Variants in TRMT10B observed in about 807,000 individuals in gnomAD.
TRMT10B encodes the protein tRNA methyltransferase 10 homolog B.
TRMT10B carries 33 observed loss-of-function variants against 43.8 expected under a neutral mutation model. The ratio of observed to expected loss-of-function variants is 0.75; its 90% CI spans 0.57 to 1.01. The LOEUF (loss-of-function observed/expected upper bound fraction) is 1.01. Among genes scored for constraint, TRMT10B ranks in the 50% least tolerant of loss-of-function variants. The pLI is 0.00. For synonymous variants in TRMT10B, 137 were observed against 130.6 expected (o/e 1.05, Z -0.34); for missense variants, 362 against 369.8 (o/e 0.98, Z 0.17).
rs767302730 is a variant in TRMT10B at position 37,761,924 on chromosome 9, C to T, written c.-8C>T. 3 of 1,609,800 alleles carry T rather than the reference C, an allele frequency of 1.9e-6. No individual in the cohort carries two copies. In the South Asian group the frequency reaches 3.3e-5, roughly 18 times the overall value. On this transcript the variant is annotated 5_prime_UTR_variant, in exon 2 of 9. Transcript: ENST00000297994. The stretch of plus-strand genomic sequence containing the variant: ...CCAGTCTGGTGGAAAGGACAGAGGA[C>T]TAAGTCCATGGACTGGAAATTGGAA...
chr9:37,770,577 C>A (rs1827462274), intron 6 of TRMT10B, 95 bp from the exon 7 acceptor site: 1 of 1,162,788 alleles, frequency 8.6e-7, no homozygotes, highest in East Asian at 2.6e-5. Context: ...TACTGAATTT[C>A]TACTTTTATT....
At chr9:37,765,320 T>C (rs1299097698) in intron 4 of TRMT10B, among the ~76,000 whole-genome samples, 2 of 152,110 alleles carry the variant, frequency 1.3e-5, no homozygotes, top group Non-Finnish European at 2.9e-5. Flanking sequence ...CATTGTTCAA[T>C]TCCCACCTAT....
intron 7 of TRMT10B, among the ~76,000 whole-genome samples, chr9:37,771,630 T>C (rs191823827): frequency 2.6e-5 from 4 of 152,338 alleles, no homozygotes; most frequent in African/African-American, 9.6e-5. Flanking sequence ...GAATGCATAA[T>C]AGAATTAGAA....
intron 8 of TRMT10B, among the ~76,000 whole-genome samples, chr9:37,776,871 C>T (rs931346317): frequency 1.3e-5 from 2 of 151,500 alleles, no homozygotes; most frequent in African/African-American, 2.4e-5. Flanking sequence ...TGCACTCCAG[C>T]CTGGGTGACA....
chr9:37,753,184 A>T (rs1825139354), upstream of TRMT10B, among the ~76,000 whole-genome samples: 1 of 152,036 alleles, frequency 6.6e-6, no homozygotes, highest in East Asian at 1.9e-4. Context: ...GAAGGAAGAA[A>T]CTCCAGACAC....
rs1216136618 is a variant in TRMT10B at position 37,776,295 on chromosome 9, A to T, written c.734A>T (p.Gln245Leu). Residue 245 changes from glutamine (Q) to leucine (L), a missense_variant, in exon 8 of 9, where the codon CAA becomes CTA. Transcript: ENST00000297994. ...DESIQKKVTF[Q>L]KAREYSVKTA... ...ATATATTTACAGAAGGTGACATTTC[A>T]AAAGGCCCGGGAATACTCTGTCAAG... The T allele has an allele frequency of 3.2e-6, 5 of 1,554,614 alleles. No individual in the cohort carries two copies. The African/African-American group carries it at 5.6e-5, about 17-fold the overall frequency.
intron 7 of TRMT10B, among the ~76,000 whole-genome samples, chr9:37,771,300 T>C (rs986521406): frequency 6.6e-6 from 1 of 152,316 alleles, no homozygotes; most frequent in African/African-American, 2.4e-5. Flanking sequence ...CATATAAATA[T>C]AAAAGAGTAG....
At chr9:37,767,537 C>CAAAAAA (rs1827122165) in intron 4 of TRMT10B, 1 of 51,124 alleles carries the variant, frequency 2.0e-5, no homozygotes. Flanking sequence ...AAAAAAAAAT[C>CAAAAAA]CATATTGTTA....
At chr9:37,770,092 T>C (rs1827401818) in intron 6 of TRMT10B, 73 bp downstream of exon 6, 3 of 1,369,600 alleles carry the variant, frequency 2.2e-6, no homozygotes, top group Admixed American at 1.7e-5. Flanking sequence ...GCAGAATTTA[T>C]TAAAGCCCCT....
chr9:37,770,367 T>C (rs945544181), intron 6 of TRMT10B, among the ~76,000 whole-genome samples: 15 of 152,254 alleles, frequency 9.9e-5, no homozygotes, highest in Non-Finnish European at 2.9e-5. Flanking sequence ...AATTTTAAAA[T>C]GTATTGGTAT....
chr9:37,762,632 G>A lies in TRMT10B; in HGVS notation c.242G>A (p.Ser81Asn), dbSNP rs1315730688. The A allele has an allele frequency of 1.3e-6, 2 of 1,597,246 alleles. No individual in the cohort carries two copies. The highest frequency in any genetic ancestry group is 1.3e-5 in the African/African-American group (1 of 74,862). ...GAAAAGATAGTTGCAGCAAAGAAGAGCAAAAGAAAGCAAGAAAAAGAACGA... is the reference window on the plus strand; with the variant it reads ...GAAAAGATAGTTGCAGCAAAGAAGAACAAAAGAAAGCAAGAAAAAGAACGA... ...HWEKIVAAKK[S>N]KRKQEKERRK... is the part of the protein sequence containing the mutation. Residue 81 changes from serine to asparagine, a missense_variant, in exon 3 of 9, where the codon AGC (serine) becomes AAC (asparagine). Physicochemically the swap from Ser to Asn is conservative, Grantham distance 46 (BLOSUM62 1). Coordinates refer to ENST00000297994, the MANE Select transcript of TRMT10B (RefSeq NM_144964.4).
intron 1 of TRMT10B, among the ~76,000 whole-genome samples, chr9:37,757,320 C>T (rs913525063): frequency 6.6e-6 from 1 of 152,172 alleles, no homozygotes; most frequent in Non-Finnish European, 1.5e-5. Flanking sequence ...AATTGATCCT[C>T]CCTCCTCAGC....
Sources: allele counts gnomAD v4.1 joint callset (sites outside exome capture counted in the v4.1 genomes callset), GRCh38; gene constraint gnomAD v4.1.1; transcripts MANE v1.5; gene names NCBI Gene and HGNC (gene_info 2026-07-23, HGNC 2026-07-21).